The following PEAK1 variants were observed in gnomAD, a reference collection of about 807,000 sequenced individuals.
PEAK1 encodes the protein pseudopodium enriched atypical kinase 1.
In PEAK1, 54 loss-of-function variants were observed where a neutral mutation model predicts 124.7. The ratio of observed to expected loss-of-function variants is 0.43; its 90% CI spans 0.35 to 0.54. The LOEUF (loss-of-function observed/expected upper bound fraction) is 0.54, where lower values mean the gene tolerates loss of function less well. Among genes scored for constraint, PEAK1 ranks in the 20% least tolerant of loss-of-function variants. PEAK1 has a pLI of 0.01. For synonymous variants in PEAK1, 719 were observed against 760.0 expected (o/e 0.95, Z 0.89); for missense variants, 2,046 against 2,134.5 (o/e 0.96, Z 0.82).
Position 77,198,309 on chromosome 15 carries a change from T to C in PEAK1, c.-114-16269A>G, listed in dbSNP as rs559167868. Among the ~76,000 whole-genome samples, 144 of 152,350 alleles carry C rather than the reference T, an allele frequency of 9.5e-4. 1 individual carries two copies. The highest frequency in any genetic ancestry group is 3.4e-3 in the African/African-American group (141 of 41,588). ...AAAGTGATTTCTTGAGGTTCTTGTGTATTTATCATATCATGTTTATTTTTA... is the reference window on the plus strand; with the variant it reads ...AAAGTGATTTCTTGAGGTTCTTGTGCATTTATCATATCATGTTTATTTTTA... On this transcript the variant is annotated intron_variant, in intron 6 of 9. Transcript: ENST00000682557.
chr15:77,278,380 A>T, intron 5 of PEAK1: 1 of 284,180 alleles, frequency 3.5e-6, no homozygotes, highest in South Asian at 3.7e-5. Context: ...TTATAGGAGC[A>T]GTGTAAAGAA....
chr15:77,190,240 T>A (rs2057766608), intron 6 of PEAK1, among the ~76,000 whole-genome samples: 1 of 152,238 alleles, frequency 6.6e-6, no homozygotes, highest in Non-Finnish European at 1.5e-5. Flanking sequence ...AAAGTACTTC[T>A]AAATTAATGA....
At position 77,406,591 on chromosome 15, in the gene PEAK1, T is replaced by C. The variant is rs142057887; in HGVS notation, c.-666+13415A>G. Among the ~76,000 whole-genome samples the C allele has an allele frequency of 4.6e-5, 7 of 152,294 alleles. No individual in the cohort carries two copies. The East Asian group carries it at 1.3e-3, about 29-fold the overall frequency. On this transcript the variant is annotated intron_variant, in intron 1 of 9. Coordinates refer to ENST00000682557, the MANE Select transcript of PEAK1 (RefSeq NM_001385026.1). ...CACCTAACCAAGGAGGTGAAAGTCC[T>C]CTACAAGGAAAACTATAAAACACTG... is the stretch of plus-strand genomic sequence containing the variant.
At chr15:77,210,063 A>G (rs1025446584) in intron 6 of PEAK1, among the ~76,000 whole-genome samples, 1 of 152,218 alleles carries the variant, frequency 6.6e-6, no homozygotes, top group East Asian at 1.9e-4. Flanking sequence ...CTATCAAATA[A>G]GAATTAACAA....
chr15:77,302,573 G>A (rs917717878), intron 2 of PEAK1, among the ~76,000 whole-genome samples: 1 of 152,110 alleles, frequency 6.6e-6, no homozygotes, highest in African/African-American at 2.4e-5. Context: ...GTAGAGTACA[G>A]GGCTTATGCA....
chr15:77,224,857 T>C (rs548615546), intron 6 of PEAK1, among the ~76,000 whole-genome samples: 15 of 151,998 alleles, frequency 9.9e-5, no homozygotes, highest in Non-Finnish European at 2.1e-4. Flanking sequence ...TTTTTTTCTC[T>C]GTGGTGATTT....
chr15:77,403,635 CATGAAG>C lies in PEAK1; in HGVS notation c.-666+16365_-666+16370del. ...CATACCCTATACTAAGTTCTGGGGA[CATGAAG>C]ATGAATAAAACACATCCCCCTTTAG... On this transcript the variant is annotated intron_variant, in intron 1 of 9. Transcript: ENST00000682557. 3.4e-6 allele frequency: 3 copies of C among 891,890 alleles called. No individual in the cohort carries two copies. The South Asian group carries it at 1.5e-4, about 46-fold the overall frequency. The allele number at this position is 891,890 out of a possible 1,614,324, so 55.2% of individuals were successfully genotyped here.
intron 6 of PEAK1, among the ~76,000 whole-genome samples, chr15:77,188,395 T>C (rs74779668): frequency 6.6e-6 from 1 of 152,214 alleles, no homozygotes; most frequent in Non-Finnish European, 1.5e-5. Flanking sequence ...TTCCAACTAA[T>C]TTTTAAATTC....
chr15:77,211,640 G>A (rs2058910379), intron 6 of PEAK1, among the ~76,000 whole-genome samples: 1 of 152,044 alleles, frequency 6.6e-6, no homozygotes. Context: ...TCTGAGGTCA[G>A]GAGTTTGAGA....
intron 5 of PEAK1, among the ~76,000 whole-genome samples, chr15:77,271,698 G>C (rs1013016987): frequency 6.6e-6 from 1 of 152,082 alleles, no homozygotes; most frequent in South Asian, 2.1e-4. Flanking sequence ...ACCAAACACC[G>C]CATGTTCTCA....
chr15:77,207,331 AGATATCTGTG>A (rs1275995454), intron 6 of PEAK1, among the ~76,000 whole-genome samples: 1 of 152,188 alleles, frequency 6.6e-6, no homozygotes. Flanking sequence ...GTACAAATTG[AGATATCTGTG>A]GACTGGTCCT....
chr15:77,342,193 C>A (rs2066584303), intron 2 of PEAK1, among the ~76,000 whole-genome samples: 1 of 149,218 alleles, frequency 6.7e-6, no homozygotes, highest in Non-Finnish European at 1.5e-5. Context: ...AACATAAAAT[C>A]TTCACCATCT....
At chr15:77,208,915 T>C (rs985313708) in intron 6 of PEAK1, among the ~76,000 whole-genome samples, 2 of 152,208 alleles carry the variant, frequency 1.3e-5, no homozygotes, top group Admixed American at 6.5e-5. Flanking sequence ...CTGCTTTGTA[T>C]AGCAGCAATA....
At chr15:77,253,783 T>A (rs2060995853) in intron 5 of PEAK1, among the ~76,000 whole-genome samples, 1 of 152,184 alleles carries the variant, frequency 6.6e-6, no homozygotes, top group African/African-American at 2.4e-5. Flanking sequence ...ATGCTTCTTT[T>A]GTTTTCTGGC....
chr15:77,207,080 G>T (rs1398732636), intron 6 of PEAK1, among the ~76,000 whole-genome samples: 1 of 152,078 alleles, frequency 6.6e-6, no homozygotes, highest in Non-Finnish European at 1.5e-5. Flanking sequence ...AGCTGAAACT[G>T]GATCCCTTCC....
chr15:77,373,093 TA>T (rs1405724493), intron 1 of PEAK1, among the ~76,000 whole-genome samples: 3 of 152,220 alleles, frequency 2.0e-5, no homozygotes, highest in African/African-American at 7.2e-5. Flanking sequence ...ATTTCAAAAC[TA>T]TAAATGTGAT....
intron 2 of PEAK1, chr15:77,352,885 A>T: frequency 1.0e-6 from 1 of 985,432 alleles, no homozygotes; most frequent in Non-Finnish European, 1.2e-6. Flanking sequence ...TGAAGGATCA[A>T]TGTGTGGACT....
chr15:77,403,970 CA>C, intron 1 of PEAK1: 1 of 966,886 alleles, frequency 1.0e-6, no homozygotes, highest in Admixed American at 6.2e-5. Flanking sequence ...CTGCGTGTCA[CA>C]AGGGTTTGGT....
At chr15:77,397,722 T>C (rs926693647) in intron 1 of PEAK1, among the ~76,000 whole-genome samples, 3 of 152,046 alleles carry the variant, frequency 2.0e-5, no homozygotes, top group African/African-American at 7.2e-5. Flanking sequence ...CCTACAAAGA[T>C]TGAATCATGA....
Sources: allele counts gnomAD v4.1 joint callset (sites outside exome capture counted in the v4.1 genomes callset), GRCh38; gene constraint gnomAD v4.1.1; transcripts MANE v1.5; gene names NCBI Gene and HGNC (gene_info 2026-07-23, HGNC 2026-07-21).